The following ADCY10 variants were observed in gnomAD, a reference collection of about 807,000 sequenced individuals.
ADCY10 encodes adenylate cyclase type 10.
Under a neutral mutation model 183.3 loss-of-function variants are expected in ADCY10, and 156 were observed. The observed-to-expected ratio is 0.85, with a 90% confidence interval of 0.75 to 0.97. ADCY10 has a LOEUF of 0.97. Among genes scored for constraint, ADCY10 ranks in the 50% least tolerant of loss-of-function variants. ADCY10 has a pLI of 0.00. For missense variants in ADCY10, 1,745 were observed against 1,934.3 expected, an observed-to-expected ratio of 0.90 and a Z score of 1.84; for synonymous variants, 645 against 670.0, an observed-to-expected ratio of 0.96 and a Z score of 0.58.
chr1:167,908,606 TTTAA>T (rs1669961728), intron 1 of ADCY10, among the ~76,000 whole-genome samples: 1 of 152,246 alleles, frequency 6.6e-6, no homozygotes, highest in East Asian at 1.9e-4. Flanking sequence ...ATTACCTTGA[TTTAA>T]TTATTTCATA....
In ADCY10 at chr1:167,901,652, A is replaced by C. The variant is rs1445927693; in HGVS notation, c.436+10T>G. The C allele has an allele frequency of 1.9e-6, 3 of 1,613,726 alleles. No homozygotes were observed. Among genetic ancestry groups the C allele is most frequent in the Non-Finnish European group, 2.5e-6 (3 of 1,179,874 alleles). On this transcript the variant is annotated intron_variant, in intron 5 of 32. Coordinates refer to ENST00000367851, the MANE Select transcript of ADCY10 (RefSeq NM_018417.6). ...GCTGCCGTAGGATTTATTCCTTCTC[A>C]AATGCTTACCTATCTTGACTCGGAT...
At chr1:167,894,017 G>T in intron 7 of ADCY10, 76 bp from the exon 8 acceptor site, 1 of 998,640 alleles carries the variant, frequency 1.0e-6, no homozygotes, top group Non-Finnish European at 1.6e-6. Flanking sequence ...GAGGCTCCCA[G>T]TCCCTATTCT....
chr1:167,815,475 G>C (rs1232757593), intron 31 of ADCY10, among the ~76,000 whole-genome samples: 1 of 152,174 alleles, frequency 6.6e-6, no homozygotes, highest in Non-Finnish European at 1.5e-5. Context: ...GGACTGAAAA[G>C]CACTTGTGAA....
At chr1:167,840,619 G>A (rs1238472616) in intron 21 of ADCY10, among the ~76,000 whole-genome samples, 1 of 152,042 alleles carries the variant, frequency 6.6e-6, no homozygotes, top group East Asian at 1.9e-4. Flanking sequence ...GCCTCACAAA[G>A]TGCTGCAATT....
chr1:167,833,411 C>T (rs1444083926), intron 24 of ADCY10, among the ~76,000 whole-genome samples: 1 of 152,146 alleles, frequency 6.6e-6, no homozygotes, highest in Admixed American at 6.5e-5. Flanking sequence ...TTTACCCATT[C>T]AGGTCCATTT....
intron 21 of ADCY10, among the ~76,000 whole-genome samples, chr1:167,839,101 CT>C (rs1664437829): frequency 6.6e-6 from 1 of 152,212 alleles, no homozygotes; most frequent in South Asian, 2.1e-4. Context: ...TATTCCTATC[CT>C]TTTCAATCTC....
rs139504729 is a variant in ADCY10, at chr1:167,839,326, C to T, written c.3008-2008G>A. Among the ~76,000 whole-genome samples, 1,180 of 152,278 alleles carry T rather than the reference C, an allele frequency of 7.7e-3. 14 individuals are homozygous for T. The highest frequency in any genetic ancestry group is 0.012 in the Non-Finnish European group (844 of 68,028). ...TACTGGGTAGGACTTTTAGAAGATC[C>T]TTTAAAAGGGAGGGGATATCCTTTC... On this transcript the variant is annotated intron_variant, in intron 21 of 32. Transcript: ENST00000367851.
intron 18 of ADCY10, among the ~76,000 whole-genome samples, chr1:167,852,561 G>A (rs186572699): frequency 9.3e-4 from 142 of 151,898 alleles, no homozygotes; most frequent in African/African-American, 3.1e-3. Flanking sequence ...TTTACATATC[G>A]CTTTCCTTTA....
chr1:167,897,696 CA>C (rs74202485), intron 6 of ADCY10, among the ~76,000 whole-genome samples: 2,970 of 2,970 alleles, frequency 1, 1,485 homozygotes, highest in Non-Finnish European at 1. Flanking sequence ...CAGGAGACTA[CA>C]TCAAAAATAT....
In ADCY10 at chr1:167,854,503, A is replaced by C. The variant is rs1202606891; in HGVS notation, c.2172-14T>G. On this transcript the variant is annotated splice_polypyrimidine_tract_variant and intron_variant, in intron 17 of 32. Coordinates refer to ENST00000367851, the MANE Select transcript of ADCY10 (RefSeq NM_018417.6). The stretch of plus-strand genomic sequence containing the variant: ...TCCCCCAGGTACCTGTAGTGAAAAC[A>C]AGGCAATCTGTTTACATTGAAGATA... 1 of 1,614,174 alleles carries C rather than the reference A, an allele frequency of 6.2e-7. No homozygotes were observed. Among genetic ancestry groups the C allele is most frequent in the African/African-American group, 1.3e-5 (1 of 75,060 alleles).
intron 19 of ADCY10, among the ~76,000 whole-genome samples, chr1:167,847,832 T>C (rs904292991): frequency 6.6e-6 from 1 of 152,246 alleles, no homozygotes; most frequent in Non-Finnish European, 1.5e-5. Context: ...TTCTGTTTAA[T>C]TGAAAATGTA....
intron 1 of ADCY10, among the ~76,000 whole-genome samples, chr1:167,909,927 G>A (rs541996975): frequency 2.8e-4 from 42 of 150,564 alleles, no homozygotes; most frequent in Admixed American, 9.3e-4. Context: ...AAGACCAGCC[G>A]GCGCCACTGA....
intron 23 of ADCY10, chr1:167,834,426 C>T (rs933085723): frequency 2.7e-6 from 1 of 366,356 alleles, no homozygotes; most frequent in Admixed American, 4.0e-5. Context: ...CCTCCCTATT[C>T]CCAACAACAC....
intron 21 of ADCY10, among the ~76,000 whole-genome samples, chr1:167,838,971 C>T (rs1005221489): frequency 6.6e-6 from 1 of 152,186 alleles, no homozygotes; most frequent in African/African-American, 2.4e-5. Flanking sequence ...CAGAAAGTCC[C>T]GTTGACCATA....
intron 22 of ADCY10, 31 bp downstream of exon 22, chr1:167,837,218 C>G (rs1451415383): frequency 6.4e-7 from 1 of 1,550,554 alleles, no homozygotes; most frequent in African/African-American, 1.4e-5. Context: ...TATTTATGCT[C>G]TACTTCCTAA....
Position 167,899,632 on chromosome 1 carries a change from G to A in ADCY10, c.437-4C>T. The A allele has an allele frequency of 4.3e-6, 7 of 1,613,600 alleles. No individual in the cohort carries two copies. Among genetic ancestry groups the A allele is most frequent in the Non-Finnish European group, 5.9e-6 (7 of 1,179,958 alleles). On this transcript the variant is annotated splice_region_variant and splice_polypyrimidine_tract_variant and intron_variant, in intron 5 of 32. Transcript: ENST00000367851. ...CTGATGTGGCCAGCAGCCAGTCCTG[G>A]CAAGAAGGCAAGGAATAGGTTTGCA... is the stretch of plus-strand genomic sequence containing the variant.
chr1:167,905,147 GA>G lies in ADCY10; in HGVS notation c.-8del. 6.2e-7 allele frequency: 1 copy of G among 1,614,178 alleles called. No individual in the cohort carries two copies. On this transcript the variant is annotated 5_prime_UTR_variant, in exon 2 of 33. Transcript: ENST00000367851. ...CTTCTTTTGGAGTGTTCATGTTCAA[GA>G]CAAATGTTCAGGATTTTATGGTGAC...
chr1:167,891,119 G>A (rs1015093459), intron 8 of ADCY10, among the ~76,000 whole-genome samples: 38 of 151,940 alleles, frequency 2.5e-4, no homozygotes, highest in African/African-American at 9.2e-4. Context: ...GTGCCACCGC[G>A]CCTGGCTAAT....
In ADCY10 at chr1:167,880,474, C is replaced by G; in HGVS notation, c.1139+17G>C. On this transcript the variant is annotated intron_variant, in intron 10 of 32. Transcript: ENST00000367851. ...AAGGGTCAGGGACCGCTGGGTGGGA[C>G]CAGGGTCAATACTCACTGGATTTTG... The G allele has an allele frequency of 6.3e-7, 1 of 1,587,554 alleles. No homozygotes were observed. Among genetic ancestry groups the G allele is most frequent in the Non-Finnish European group, 8.7e-7 (1 of 1,155,858 alleles).
Sources: gnomAD v4.1 joint callset for allele counts (sites outside exome capture counted in the v4.1 genomes callset) on GRCh38, gnomAD v4.1.1 for gene constraint, MANE v1.5 for transcripts, NCBI Gene and HGNC (gene_info 2026-07-23, HGNC 2026-07-21) for gene names.